Variants in KCNQ3 observed in about 807,000 individuals in gnomAD.
The protein encoded by KCNQ3 is potassium voltage-gated channel subfamily Q member 3.
Under a neutral mutation model 92.5 loss-of-function variants are expected in KCNQ3, and 30 were observed. That is an observed-to-expected ratio of 0.32 (90% CI 0.24 to 0.44). KCNQ3 has a LOEUF of 0.44. KCNQ3 is among the 20% of genes least tolerant of loss of function. KCNQ3 has a pLI of 1.00. For synonymous variants in KCNQ3, 450 were observed against 468.8 expected, an observed-to-expected ratio of 0.96 and a Z score of 0.52; for missense variants, 913 against 1,140.3, an observed-to-expected ratio of 0.80 and a Z score of 2.87.
intron 1 of KCNQ3, among the ~76,000 whole-genome samples, chr8:132,186,950 G>GAGAGAGAGAC (rs1826982959): frequency 9.3e-6 from 1 of 107,164 alleles, no homozygotes; most frequent in African/African-American, 4.0e-5. Context: ...GAGAGAGAGA[G>GAGAGAGAGAC]AGAGACAGAG....
At chr8:132,332,644 C>A (rs1818262466) in intron 1 of KCNQ3, among the ~76,000 whole-genome samples, 1 of 152,214 alleles carries the variant, frequency 6.6e-6, no homozygotes, top group African/African-American at 2.4e-5. Flanking sequence ...CTTGTGTTTC[C>A]CCACAACACA....
intron 1 of KCNQ3, among the ~76,000 whole-genome samples, chr8:132,432,754 A>G (rs1012230754): frequency 3.9e-5 from 6 of 152,278 alleles, no homozygotes; most frequent in African/African-American, 1.4e-4. Context: ...GCACTTACCA[A>G]GCAATATTGC....
At chr8:132,262,575 T>C (rs1230266193) in intron 1 of KCNQ3, among the ~76,000 whole-genome samples, 2 of 151,198 alleles carry the variant, frequency 1.3e-5, no homozygotes, top group African/African-American at 4.9e-5. Context: ...ATAGTTTGTA[T>C]ACAGGTAAAG....
chr8:132,326,371 G>T (rs1341545723), intron 1 of KCNQ3, among the ~76,000 whole-genome samples: 2 of 152,140 alleles, frequency 1.3e-5, no homozygotes, highest in African/African-American at 4.8e-5. Context: ...TCATCCATCA[G>T]ACAAATCTTT....
intron 1 of KCNQ3, among the ~76,000 whole-genome samples, chr8:132,190,679 C>T (rs1472372884): frequency 2.6e-5 from 4 of 152,190 alleles, no homozygotes; most frequent in Admixed American, 6.5e-5. Context: ...ACTGCTGCTT[C>T]GTGAGATGCT....
intron 1 of KCNQ3, among the ~76,000 whole-genome samples, chr8:132,226,415 G>T (rs544962622): frequency 6.6e-6 from 1 of 152,332 alleles, no homozygotes; most frequent in East Asian, 1.9e-4. Context: ...GTGTGTAAGT[G>T]TGGGCGCGCA....
chr8:132,286,665 G>A (rs935444527), intron 1 of KCNQ3, among the ~76,000 whole-genome samples: 4 of 152,274 alleles, frequency 2.6e-5, no homozygotes, highest in East Asian at 1.9e-4. Flanking sequence ...AGAAGGACAC[G>A]AATTTTGGGG....
intron 1 of KCNQ3, among the ~76,000 whole-genome samples, chr8:132,279,522 TA>T (rs1816446603): frequency 1.3e-5 from 2 of 152,192 alleles, no homozygotes; most frequent in African/African-American, 2.4e-5. Context: ...CGAATGTTTT[TA>T]AAGCTCTGCA....
At chr8:132,283,194 C>A (rs1198415457) in intron 1 of KCNQ3, among the ~76,000 whole-genome samples, 2 of 151,674 alleles carry the variant, frequency 1.3e-5, no homozygotes, top group Admixed American at 6.6e-5. Flanking sequence ...TCAGGACTTT[C>A]CTGAGCCGCC....
At position 132,480,207 on chromosome 8, in the gene KCNQ3, G is replaced by C. The variant is rs2130874904; in HGVS notation, c.326C>G (p.Thr109Ser). The stretch of plus-strand genomic sequence containing the variant: ...TCTCTCCAGGGCGTCGTAGATCAAA[G>C]TTTGGATGCGCCGGTACTTGGCGTT... Reference protein sequence around the residue: ...RNNAKYRRIQTLIYDALERPR... With the variant: ...RNNAKYRRIQSLIYDALERPR... The change falls in exon 1 of 15, where the codon ACT becomes AGT. Residue 109 changes from threonine (T) to serine (S), a missense_variant. Physicochemically the swap from Thr to Ser is moderately conservative, Grantham distance 58 (BLOSUM62 1). Coordinates refer to ENST00000388996, the MANE Select transcript of KCNQ3 (RefSeq NM_004519.4). 1.2e-6 allele frequency: 2 copies of C among 1,613,402 alleles called. No individual in the cohort carries two copies. Among genetic ancestry groups the C allele is most frequent in the South Asian group, 2.2e-5 (2 of 91,000 alleles).
At chr8:132,317,755 C>T (rs1300507818) in intron 1 of KCNQ3, among the ~76,000 whole-genome samples, 2 of 152,150 alleles carry the variant, frequency 1.3e-5, no homozygotes, top group Non-Finnish European at 2.9e-5. Context: ...AAGTGCTTTG[C>T]CCCGAACTCC....
intron 12 of KCNQ3, among the ~76,000 whole-genome samples, chr8:132,135,328 G>A (rs915094052): frequency 3.9e-5 from 6 of 152,076 alleles, no homozygotes; most frequent in African/African-American, 1.4e-4. Flanking sequence ...GGAAAGAAAT[G>A]TTGCCTATCA....
chr8:132,133,822 G>T (rs1824967303), intron 13 of KCNQ3, among the ~76,000 whole-genome samples: 1 of 152,200 alleles, frequency 6.6e-6, no homozygotes, highest in African/African-American at 2.4e-5. Flanking sequence ...AAGGAGAAGA[G>T]CTGCTCTGTT....
chr8:132,263,701 T>C (rs910458135), intron 1 of KCNQ3, among the ~76,000 whole-genome samples: 1 of 152,188 alleles, frequency 6.6e-6, no homozygotes, highest in East Asian at 1.9e-4. Flanking sequence ...CCCAGAACTT[T>C]TGCAGTGGGG....
intron 1 of KCNQ3, among the ~76,000 whole-genome samples, chr8:132,465,533 T>C (rs991336633): frequency 1.3e-5 from 2 of 151,926 alleles, no homozygotes; most frequent in Admixed American, 1.3e-4. Context: ...ATCAAGACCA[T>C]CCTGGCTAAC....
intron 1 of KCNQ3, among the ~76,000 whole-genome samples, chr8:132,262,584 A>G (rs1279041247): frequency 6.6e-6 from 1 of 152,030 alleles, no homozygotes; most frequent in African/African-American, 2.4e-5. Context: ...ATACAGGTAA[A>G]GAGGCAAGAA....
chr8:132,165,152 T>C (rs1359948625), intron 8 of KCNQ3, among the ~76,000 whole-genome samples: 2 of 152,176 alleles, frequency 1.3e-5, no homozygotes, highest in Non-Finnish European at 2.9e-5. Context: ...ACTTGCTCAT[T>C]TCCTCATCAC....
intron 11 of KCNQ3, among the ~76,000 whole-genome samples, 165 bp downstream of exon 11, chr8:132,139,911 G>C (rs547417458): frequency 1.3e-5 from 2 of 152,254 alleles, no homozygotes; most frequent in East Asian, 3.9e-4. Context: ...TTTTTCTGGG[G>C]CAGCATACAG....
At chr8:132,389,430 G>A (rs760944701) in intron 1 of KCNQ3, among the ~76,000 whole-genome samples, 1 of 152,204 alleles carries the variant, frequency 6.6e-6, no homozygotes, top group Non-Finnish European at 1.5e-5. Context: ...CCAACAGAGC[G>A]AGACTCTGAC....
Sources: gnomAD v4.1 joint callset for allele counts (sites outside exome capture counted in the v4.1 genomes callset) on GRCh38, gnomAD v4.1.1 for gene constraint, MANE v1.5 for transcripts, NCBI Gene and HGNC (gene_info 2026-07-23, HGNC 2026-07-21) for gene names.